Variants in DOCK9 observed in about 807,000 individuals in gnomAD.
The protein encoded by DOCK9 is dedicator of cytokinesis 9.
A neutral mutation model predicts 263.3 loss-of-function variants in DOCK9; 89 were observed. The ratio of observed to expected loss-of-function variants is 0.34; its 90% CI spans 0.28 to 0.40. The LOEUF (loss-of-function observed/expected upper bound fraction) is 0.40. Ranked by LOEUF, DOCK9 falls within the 10% of genes least tolerant of loss-of-function variation. The pLI, the probability that DOCK9 is intolerant of heterozygous loss-of-function variation, is 1.00. For missense variants in DOCK9, 2,140 were observed against 2,603.4 expected (o/e 0.82, Z 3.87); for synonymous variants, 976 against 973.1 (o/e 1.00, Z -0.06).
upstream of DOCK9, among the ~76,000 whole-genome samples, chr13:99,087,475 G>A (rs1003628162): frequency 3.9e-5 from 6 of 152,360 alleles, no homozygotes; most frequent in Middle Eastern, 3.4e-3. Context: ...GCCAGGCGGG[G>A]TACCAGGGAA....
intron 1 of DOCK9, among the ~76,000 whole-genome samples, chr13:98,976,844 A>G (rs1346271865): frequency 6.6e-6 from 1 of 152,222 alleles, no homozygotes; most frequent in Non-Finnish European, 1.5e-5. Context: ...TGTTATAGGA[A>G]AGTTTAAGTT....
chr13:98,974,742 C>G (rs898620304), intron 1 of DOCK9, among the ~76,000 whole-genome samples: 1 of 89,698 alleles, frequency 1.1e-5, no homozygotes, highest in African/African-American at 4.5e-5. Flanking sequence ...AAGAGCAACT[C>G]TGTCTCAAAA....
chr13:98,800,251 T>C (rs2089957658), intron 50 of DOCK9, 37 bp downstream of exon 50: 1 of 1,542,448 alleles, frequency 6.5e-7, no homozygotes, highest in African/African-American at 1.4e-5. Context: ...GGCAAGGACG[T>C]CCCCTGCTGC....
chr13:98,824,377 C>G (rs1469105535), intron 45 of DOCK9, 21 bp downstream of exon 45: 1 of 1,610,310 alleles, frequency 6.2e-7, no homozygotes. Context: ...CCTGAAAGCC[C>G]ACATGAGTTC....
At chr13:98,862,906 C>G (rs1269374277) in intron 32 of DOCK9, 113 bp downstream of exon 32, 1 of 884,466 alleles carries the variant, frequency 1.1e-6, no homozygotes. Context: ...TTCTGGACTC[C>G]TGACTGGGAG....
chr13:99,084,449 C>T (rs1033125775), intron 1 of DOCK9, among the ~76,000 whole-genome samples: 10 of 152,158 alleles, frequency 6.6e-5, no homozygotes, highest in African/African-American at 1.4e-4. Context: ...AGACAACAGC[C>T]GGGCATCTGG....
chr13:99,031,674 G>A (rs1374789561), intron 1 of DOCK9, among the ~76,000 whole-genome samples: 1 of 152,286 alleles, frequency 6.6e-6, no homozygotes, highest in East Asian at 1.9e-4. Flanking sequence ...TTCAGTAAGG[G>A]GTCAGGTGTC....
Position 98,867,914 on chromosome 13 carries a change from A to C in DOCK9, c.3174+14T>G, listed in dbSNP as rs1163179301. 2.5e-6 allele frequency: 4 copies of C among 1,611,358 alleles called. No homozygotes were observed. The East Asian group carries it at 8.9e-5, about 36-fold the overall frequency. ...CATGGTGACTTCTGTTACCAGTAAC[A>C]ACCCCCGCACTACCTTTGGGTCTCC... On this transcript the variant is annotated intron_variant, in intron 29 of 52. Coordinates refer to ENST00000682017, the MANE Select transcript of DOCK9 (RefSeq NM_001366683.2).
At chr13:98,948,971 C>A (rs1388337397) in intron 2 of DOCK9, among the ~76,000 whole-genome samples, 3 of 152,196 alleles carry the variant, frequency 2.0e-5, no homozygotes, top group Admixed American at 6.5e-5. Flanking sequence ...ACTTGGGTTG[C>A]TTCCCGCTTT....
In DOCK9 at chr13:98,946,798, C is replaced by T. The variant is rs576744122; in HGVS notation, c.243+8637G>A. On this transcript the variant is annotated intron_variant, in intron 2 of 52. Transcript: ENST00000682017. The stretch of plus-strand genomic sequence containing the variant: ...TGTCTCCCCACTCACTTCTTTACCC[C>T]TTCCTGGTCACCAACTCCACAGCCC... Among the ~76,000 whole-genome samples, 240 of 152,296 alleles carry T rather than the reference C, an allele frequency of 1.6e-3. 8 individuals are homozygous for T. In the South Asian group the frequency reaches 0.047, roughly 30 times the overall value.
intron 35 of DOCK9, among the ~76,000 whole-genome samples, chr13:98,851,093 C>T (rs2093556304): frequency 6.6e-6 from 1 of 152,144 alleles, no homozygotes. Context: ...CTGTTGTGTG[C>T]CAGGCACTGT....
rs192931878 is a variant in DOCK9, at chr13:98,923,323, G to A, written c.465C>T (p.Asp155=). 1.5e-4 allele frequency: 238 copies of A among 1,613,752 alleles called. 2 individuals carry two copies. Among genetic ancestry groups the A allele is most frequent in the South Asian group, 1.3e-3 (119 of 91,058 alleles). ...DKLPVHVYEV[D]EEVDKDEDAA... ...CCACCTCATCTTTGTCGACCTCCTC[G>A]TCAACTTCATAGACATGAACTGGAA... is the stretch of plus-strand genomic sequence containing the variant. Residue 155 remains aspartate (D), a synonymous_variant, in exon 5 of 53, where the codon GAC becomes GAT. Coordinates refer to ENST00000682017, the MANE Select transcript of DOCK9 (RefSeq NM_001366683.2).
At chr13:99,004,024 T>C (rs372783871) in intron 1 of DOCK9, among the ~76,000 whole-genome samples, 2 of 152,132 alleles carry the variant, frequency 1.3e-5, no homozygotes, top group Non-Finnish European at 2.9e-5. Flanking sequence ...TCCAGCACTG[T>C]GGAATTACTA....
chr13:98,794,897 G>C (rs2089166299), intron 52 of DOCK9, 149 bp from the exon 53 acceptor site: 2 of 752,816 alleles, frequency 2.7e-6, no homozygotes, highest in Admixed American at 5.1e-5. Context: ...ATGTTACTGA[G>C]TATAAGGATG....
chr13:99,019,324 A>G (rs967638275), intron 1 of DOCK9, among the ~76,000 whole-genome samples: 2 of 152,194 alleles, frequency 1.3e-5, no homozygotes, highest in African/African-American at 4.8e-5. Context: ...ATATTCTCAA[A>G]TGTATATATA....
chr13:99,000,949 C>T (rs1018105455), intron 1 of DOCK9, among the ~76,000 whole-genome samples: 1 of 152,102 alleles, frequency 6.6e-6, no homozygotes, highest in African/African-American at 2.4e-5. Context: ...CAAGGCTCTG[C>T]AGTTTGGGGT....
intron 37 of DOCK9, chr13:98,846,425 C>T: frequency 9.6e-7 from 1 of 1,041,052 alleles, no homozygotes; most frequent in Non-Finnish European, 1.3e-6. Flanking sequence ...AAGCAAAAGA[C>T]ATGTATTTTT....
intron 2 of DOCK9, among the ~76,000 whole-genome samples, chr13:98,938,926 G>A (rs1477920014): frequency 6.8e-6 from 1 of 147,226 alleles, no homozygotes; most frequent in African/African-American, 2.5e-5. Flanking sequence ...TGTAACCTGA[G>A]CCAGCTGCTG....
chr13:98,962,232 A>G (rs574121129), intron 1 of DOCK9, among the ~76,000 whole-genome samples: 1 of 152,354 alleles, frequency 6.6e-6, no homozygotes, highest in East Asian at 1.9e-4. Context: ...AGGTGTATCT[A>G]GAGGTTCATT....
Sources: gnomAD v4.1 joint callset for allele counts (sites outside exome capture counted in the v4.1 genomes callset) on GRCh38, gnomAD v4.1.1 for gene constraint, MANE v1.5 for transcripts, NCBI Gene and HGNC (gene_info 2026-07-23, HGNC 2026-07-21) for gene names.